The following PTPRT variants were observed in gnomAD, a reference collection of about 807,000 sequenced individuals.
PTPRT encodes the protein protein tyrosine phosphatase receptor type T.
Under a neutral mutation model 176.8 loss-of-function variants are expected in PTPRT, and 56 were observed. The ratio of observed to expected loss-of-function variants is 0.32; its 90% CI spans 0.26 to 0.40. The LOEUF is 0.40. Ranked by LOEUF, PTPRT falls within the 10% of genes least tolerant of loss-of-function variation. The pLI is 1.00. For missense variants in PTPRT, 1,540 were observed against 1,908.2 expected (o/e 0.81, Z 3.60); for synonymous variants, 783 against 739.0 (o/e 1.06, Z -0.96).
intron 11 of PTPRT, among the ~76,000 whole-genome samples, chr20:42,347,709 A>T (rs938902879): frequency 6.6e-6 from 1 of 152,098 alleles, no homozygotes; most frequent in Admixed American, 6.5e-5. Flanking sequence ...GTCCAATCAG[A>T]TCACTCCATT....
chr20:42,851,122 C>T (rs2078462137), intron 2 of PTPRT, among the ~76,000 whole-genome samples: 1 of 152,174 alleles, frequency 6.6e-6, no homozygotes, highest in Non-Finnish European at 1.5e-5. Context: ...TTCTAATGTT[C>T]TTATCCTCTC....
intron 7 of PTPRT, among the ~76,000 whole-genome samples, chr20:42,503,761 A>G (rs1389367463): frequency 6.6e-6 from 1 of 152,112 alleles, no homozygotes; most frequent in African/African-American, 2.4e-5. Context: ...ACAGAGATGT[A>G]TCTGGTATCT....
chr20:42,323,671 T>C (rs1204694666), intron 11 of PTPRT, among the ~76,000 whole-genome samples: 3 of 151,774 alleles, frequency 2.0e-5, no homozygotes, highest in Non-Finnish European at 4.4e-5. Flanking sequence ...AAATGACGAG[T>C]TAATGGGTAC....
chr20:42,134,688 T>A (rs1988289513), intron 18 of PTPRT, among the ~76,000 whole-genome samples: 1 of 152,186 alleles, frequency 6.6e-6, no homozygotes, highest in African/African-American at 2.4e-5. Flanking sequence ...TAATGTCTGC[T>A]GATTTCTGTG....
intron 7 of PTPRT, among the ~76,000 whole-genome samples, chr20:42,614,688 T>C (rs1335705336): frequency 1.3e-5 from 2 of 152,158 alleles, no homozygotes; most frequent in Non-Finnish European, 2.9e-5. Flanking sequence ...TGCAATGAAT[T>C]ATTTCCCTTT....
chr20:42,988,055 A>G (rs532973451), intron 1 of PTPRT, among the ~76,000 whole-genome samples: 35 of 152,286 alleles, frequency 2.3e-4, no homozygotes, highest in Admixed American at 2.0e-3. Flanking sequence ...CTTCTGCCAA[A>G]GTCCACTGAT....
chr20:42,477,108 G>C (rs1465722369), intron 7 of PTPRT, among the ~76,000 whole-genome samples: 1 of 152,120 alleles, frequency 6.6e-6, no homozygotes, highest in East Asian at 1.9e-4. Context: ...CCACTCTTTG[G>C]CCATGGCACT....
chr20:42,274,236 C>T lies in PTPRT; in HGVS notation c.2176+8253G>A, dbSNP rs1473378928. Among the ~76,000 whole-genome samples, 3 of 152,184 alleles carry T rather than the reference C, an allele frequency of 2.0e-5. No homozygotes were observed. The East Asian group carries it at 5.8e-4, about 29-fold the overall frequency. ...CCATGTAAGTGGAAGTGGCATGAGTCATTTCCGAGTGACATATTTAAGATC... is the reference window on the plus strand; with the variant it reads ...CCATGTAAGTGGAAGTGGCATGAGTTATTTCCGAGTGACATATTTAAGATC... On this transcript the variant is annotated intron_variant, in intron 13 of 30. Transcript: ENST00000373187.
chr20:42,680,179 C>A (rs972919118), intron 6 of PTPRT, among the ~76,000 whole-genome samples: 1 of 152,100 alleles, frequency 6.6e-6, no homozygotes, highest in Non-Finnish European at 1.5e-5. Context: ...TACCTAGAAG[C>A]AAAGATTCTC....
Position 42,074,918 on chromosome 20 carries a change from T to C in PTPRT, c.*5961A>G, listed in dbSNP as rs1256663089. ...TCTGCTCATGTGCACAAATATGGCTTAGATATCTCTGCTGTGCTTCGGAGG... is the reference window on the plus strand; with the variant it reads ...TCTGCTCATGTGCACAAATATGGCTCAGATATCTCTGCTGTGCTTCGGAGG... On this transcript the variant is annotated 3_prime_UTR_variant, in exon 31 of 31. Transcript: ENST00000373187. 4 of 398,266 alleles carry C rather than the reference T, an allele frequency of 1.0e-5. No individual in the cohort carries two copies. Among genetic ancestry groups the C allele is most frequent in the Non-Finnish European group, 1.8e-5 (4 of 225,954 alleles). The allele number at this position is 398,266 out of a possible 1,614,324, so 24.7% of individuals were successfully genotyped here.
intron 9 of PTPRT, among the ~76,000 whole-genome samples, chr20:42,359,833 C>A (rs68073240): frequency 0.23 from 34,791 of 152,200 alleles, 4,813 homozygotes; most frequent in Non-Finnish European, 0.3. Context: ...GCACAGGGAC[C>A]CATGCCCGTG....
chr20:42,623,026 GAGA>G (rs996741920), intron 7 of PTPRT, among the ~76,000 whole-genome samples: 2 of 152,178 alleles, frequency 1.3e-5, no homozygotes, highest in Non-Finnish European at 2.9e-5. Flanking sequence ...TGGGGCAGCA[GAGA>G]AGAAGAGAAA....
chr20:42,249,929 G>C (rs1033994420), intron 13 of PTPRT, among the ~76,000 whole-genome samples: 2 of 152,082 alleles, frequency 1.3e-5, no homozygotes, highest in Non-Finnish European at 2.9e-5. Flanking sequence ...ATTCCTATTG[G>C]CGCCAGCCTT....
intron 12 of PTPRT, among the ~76,000 whole-genome samples, chr20:42,295,182 A>G (rs1198664103): frequency 1.3e-5 from 2 of 152,198 alleles, no homozygotes; most frequent in Non-Finnish European, 2.9e-5. Context: ...ACAGCCTAGT[A>G]AACTATTAAA....
intron 1 of PTPRT, among the ~76,000 whole-genome samples, chr20:42,942,046 G>A (rs1034170547): frequency 6.6e-6 from 1 of 152,080 alleles, no homozygotes; most frequent in Non-Finnish European, 1.5e-5. Context: ...GGAGAAAAGG[G>A]TTGAGCCCGG....
At chr20:43,102,284 T>TCA (rs57029983) in intron 1 of PTPRT, among the ~76,000 whole-genome samples, 7,306 of 140,480 alleles carry the variant, frequency 0.052, 269 homozygotes, top group African/African-American at 0.1. Flanking sequence ...CACTCACACA[T>TCA]CACACACACA....
At chr20:42,054,298 T>G in the PTPRT span, among the ~76,000 whole-genome samples, 2 of 152,192 alleles carry the variant, frequency 1.3e-5, no homozygotes, top group African/African-American at 4.8e-5. Flanking sequence ...AGACTGTTTT[T>G]AAGGAACTGG....
chr20:42,973,856 C>T (rs1982794790), intron 1 of PTPRT, among the ~76,000 whole-genome samples: 1 of 152,154 alleles, frequency 6.6e-6, no homozygotes, highest in Admixed American at 6.5e-5. Context: ...ACCAGTACTC[C>T]ATTTATTCAG....
chr20:42,177,452 C>T (rs565794535), intron 16 of PTPRT, among the ~76,000 whole-genome samples: 6 of 152,176 alleles, frequency 3.9e-5, no homozygotes, highest in Non-Finnish European at 7.4e-5. Context: ...ATGGCCTTAA[C>T]CCTGGAAAGA....
Sources: allele counts gnomAD v4.1 joint callset (sites outside exome capture counted in the v4.1 genomes callset), GRCh38; gene constraint gnomAD v4.1.1; transcripts MANE v1.5; gene names NCBI Gene and HGNC (gene_info 2026-07-23, HGNC 2026-07-21).